Variants in SPOCK1 observed in about 807,000 individuals in gnomAD.
SPOCK1 encodes the protein testican-1.
Under a neutral mutation model 55.3 loss-of-function variants are expected in SPOCK1, and 23 were observed. The ratio of observed to expected loss-of-function variants is 0.42; its 90% confidence interval spans 0.30 to 0.59. The LOEUF is 0.59. Ranked by LOEUF, SPOCK1 falls within the 20% of genes least tolerant of loss-of-function variation. SPOCK1 has a pLI of 0.22. For synonymous variants in SPOCK1, 226 were observed against 221.0 expected (o/e 1.02, Z -0.20); for missense variants, 499 against 552.5 (o/e 0.90, Z 0.97).
intron 3 of SPOCK1, among the ~76,000 whole-genome samples, chr5:137,265,245 T>A (rs1044441762): frequency 1.1e-4 from 17 of 152,226 alleles, no homozygotes; most frequent in Admixed American, 1.1e-3. Context: ...TTCTCCAATA[T>A]GCATTAGTAA....
At chr5:137,473,408 T>G (rs562334919) in intron 2 of SPOCK1, among the ~76,000 whole-genome samples, 1 of 152,218 alleles carries the variant, frequency 6.6e-6, no homozygotes, top group South Asian at 2.1e-4. Context: ...AACAAAAACA[T>G]ACGAATATAC....
At chr5:137,315,425 T>C (rs528972966) in intron 2 of SPOCK1, among the ~76,000 whole-genome samples, 1 of 152,298 alleles carries the variant, frequency 6.6e-6, no homozygotes, top group African/African-American at 2.4e-5. Context: ...TTAGCAGCCT[T>C]GTGAAGCAGA....
At chr5:137,238,763 A>G (rs1026900515) in intron 3 of SPOCK1, among the ~76,000 whole-genome samples, 9 of 152,234 alleles carry the variant, frequency 5.9e-5, no homozygotes, top group African/African-American at 2.2e-4. Context: ...ACGATAAAAT[A>G]TATTTTTCTC....
chr5:137,025,418 A>G (rs889258010), intron 6 of SPOCK1, among the ~76,000 whole-genome samples: 4 of 152,192 alleles, frequency 2.6e-5, no homozygotes, highest in Non-Finnish European at 4.4e-5. Context: ...CACCTGCTAC[A>G]TACATTACCT....
At chr5:137,101,758 G>T (rs1753269028) in intron 5 of SPOCK1, among the ~76,000 whole-genome samples, 1 of 152,204 alleles carries the variant, frequency 6.6e-6, no homozygotes, top group Non-Finnish European at 1.5e-5. Context: ...CAAAAAGACT[G>T]TGTTATCTTG....
At chr5:137,076,250 G>A (rs559490437) in intron 5 of SPOCK1, among the ~76,000 whole-genome samples, 2 of 152,162 alleles carry the variant, frequency 1.3e-5, no homozygotes, top group South Asian at 2.1e-4. Context: ...CTGCCTCTGT[G>A]CCCCAGGACA....
intron 2 of SPOCK1, among the ~76,000 whole-genome samples, chr5:137,444,772 G>A (rs1469034846): frequency 1.3e-5 from 2 of 152,194 alleles, no homozygotes; most frequent in East Asian, 3.8e-4. Context: ...CTATAGCCAG[G>A]CCCTACAACC....
chr5:137,158,713 C>A (rs1011796875), intron 3 of SPOCK1, among the ~76,000 whole-genome samples: 2 of 151,960 alleles, frequency 1.3e-5, no homozygotes, highest in Non-Finnish European at 2.9e-5. Context: ...GGGGCAGTGG[C>A]TGTGCCACAG....
rs542018698 is a variant in SPOCK1 at position 137,098,917 on chromosome 5, C to T, written c.474+13518G>A. On this transcript the variant is annotated intron_variant, in intron 5 of 10. Transcript: ENST00000394945. The stretch of plus-strand genomic sequence containing the variant: ...TCAGCCACCTCCTGGTTGGCTCCTC[C>T]GGCTGCTGCTCAGTCCCCCAAGACC... Among the ~76,000 whole-genome samples, 4 of 152,282 alleles carry T rather than the reference C, an allele frequency of 2.6e-5. No homozygotes were observed. The South Asian group carries it at 8.3e-4, about 32-fold the overall frequency.
At chr5:137,039,972 G>A (rs561079273) in intron 6 of SPOCK1, among the ~76,000 whole-genome samples, 31 of 152,214 alleles carry the variant, frequency 2.0e-4, no homozygotes, top group Admixed American at 5.9e-4. Flanking sequence ...AACAGAACCG[G>A]CTGCTGGCTG....
At chr5:137,371,921 C>T (rs940039214) in intron 2 of SPOCK1, among the ~76,000 whole-genome samples, 2 of 152,170 alleles carry the variant, frequency 1.3e-5, no homozygotes, top group Non-Finnish European at 2.9e-5. Flanking sequence ...AGAAATATAA[C>T]GTCAACCACA....
chr5:137,494,798 G>A (rs1425228744), intron 2 of SPOCK1, among the ~76,000 whole-genome samples: 1 of 152,158 alleles, frequency 6.6e-6, no homozygotes, highest in African/African-American at 2.4e-5. Flanking sequence ...ATAAATATTT[G>A]TTGGAATGAA....
chr5:137,226,695 C>T (rs1385166977), intron 3 of SPOCK1, among the ~76,000 whole-genome samples: 1 of 152,226 alleles, frequency 6.6e-6, no homozygotes, highest in Admixed American at 6.5e-5. Flanking sequence ...TTGCCCATCT[C>T]TGGGCCTTTG....
In SPOCK1 at chr5:136,992,489, T is replaced by C; in HGVS notation, c.701A>G (p.Gln234Arg). The C allele has an allele frequency of 6.2e-7, 1 of 1,611,422 alleles. No homozygotes were observed. Among genetic ancestry groups the C allele is most frequent in the Non-Finnish European group, 8.5e-7 (1 of 1,178,560 alleles). Residue 234 changes from glutamine to arginine, a missense_variant, in exon 7 of 11, where the codon CAA becomes CGA. By Grantham distance (43) the Gln-to-Arg change is conservative. This residue lies in a region of SPOCK1 where 386 missense variants were observed against 400.6 expected (regional missense o/e 0.96). Transcript: ENST00000394945. ...GATATTTAAAATGGTCTTACTGCCT[T>C]GGGCTGTGTTGGAGCTGGTGGGCTT... ...VIKPTSSNTA[Q>R]GRFDTSILPI...
chr5:137,207,433 T>C (rs1755538455), intron 3 of SPOCK1, among the ~76,000 whole-genome samples: 1 of 152,236 alleles, frequency 6.6e-6, no homozygotes, highest in African/African-American at 2.4e-5. Flanking sequence ...CCTCCATGAA[T>C]TTTTTCAATC....
intron 2 of SPOCK1, among the ~76,000 whole-genome samples, chr5:137,329,736 C>T (rs960743994): frequency 8.5e-5 from 13 of 152,272 alleles, no homozygotes; most frequent in African/African-American, 3.1e-4. Context: ...TCTAATGCAC[C>T]ACATCCCTTT....
At chr5:137,277,715 T>G (rs1024330174) in intron 2 of SPOCK1, among the ~76,000 whole-genome samples, 6 of 152,162 alleles carry the variant, frequency 3.9e-5, no homozygotes, top group African/African-American at 1.4e-4. Context: ...TCTAAGTAAG[T>G]GGACAGCCGG....
rs535701114 is a variant in SPOCK1 at position 137,421,370 on chromosome 5, T to C, written c.186+77003A>G. 5.8e-4 allele frequency among the ~76,000 whole-genome samples: 89 copies of C among 152,296 alleles called. No homozygotes were observed. The South Asian group carries it at 7.3e-3, about 12-fold the overall frequency. On this transcript the variant is annotated intron_variant, in intron 2 of 10. Transcript: ENST00000394945. Reference sequence around the variant, plus strand: ...ATATCCTTGTTAACTTTCTGTCTCGTTGATCTGTCTAATGTTGACAGTGGG... The same window carrying C: ...ATATCCTTGTTAACTTTCTGTCTCGCTGATCTGTCTAATGTTGACAGTGGG...
At chr5:137,344,980 G>A (rs963470027) in intron 2 of SPOCK1, among the ~76,000 whole-genome samples, 7 of 152,210 alleles carry the variant, frequency 4.6e-5, no homozygotes, top group Non-Finnish European at 1.0e-4. Context: ...CTTAGGCAGA[G>A]TCTCAAAGAA....
Sources: allele counts gnomAD v4.1 joint callset (sites outside exome capture counted in the v4.1 genomes callset), GRCh38; gene constraint gnomAD v4.1.1; regional missense constraint gnomAD v4.1.1; transcripts MANE v1.5; gene names NCBI Gene and HGNC (gene_info 2026-07-23, HGNC 2026-07-21).